Variants in GADL1 observed in about 807,000 individuals in gnomAD.
GADL1 encodes acidic amino acid decarboxylase GADL1.
In GADL1, 71 loss-of-function variants were observed where a neutral mutation model predicts 69.5. That is an observed-to-expected ratio of 1.02 (90% CI 0.84 to 1.25). The LOEUF (loss-of-function observed/expected upper bound fraction) is 1.25. Among genes scored for constraint, GADL1 ranks in the 50% most tolerant of loss-of-function variants. GADL1 has a pLI of 0.00. For missense variants in GADL1, 737 were observed against 631.8 expected, an observed-to-expected ratio of 1.17 and a Z score of -1.79; for synonymous variants, 254 against 214.4, an observed-to-expected ratio of 1.18 and a Z score of -1.62.
intron 6 of GADL1, among the ~76,000 whole-genome samples, chr3:30,847,177 G>C (rs1698073409): frequency 6.6e-6 from 1 of 152,122 alleles, no homozygotes; most frequent in East Asian, 1.9e-4. Context: ...CCTTCTCTTA[G>C]ATGCCTATTT....
At chr3:30,807,814 T>C (rs755470399) in intron 11 of GADL1, among the ~76,000 whole-genome samples, 6 of 152,032 alleles carry the variant, frequency 3.9e-5, no homozygotes, top group African/African-American at 1.4e-4. Flanking sequence ...GGCAGATCAC[T>C]GGAGGTCAGG....
At chr3:30,836,953 T>C (rs932479425) in intron 9 of GADL1, among the ~76,000 whole-genome samples, 1 of 152,098 alleles carries the variant, frequency 6.6e-6, no homozygotes, top group Admixed American at 6.6e-5. Flanking sequence ...TATTACCAAA[T>C]TGAAGACAGT....
At chr3:30,827,904 T>C (rs1336137399) in intron 11 of GADL1, among the ~76,000 whole-genome samples, 2 of 151,888 alleles carry the variant, frequency 1.3e-5, no homozygotes, top group African/African-American at 2.4e-5. Context: ...ACAAGTCAAA[T>C]GCTTCTCTTT....
intron 14 of GADL1, among the ~76,000 whole-genome samples, chr3:30,752,324 T>C (rs1039408592): frequency 4.3e-5 from 4 of 94,044 alleles, no homozygotes; most frequent in Non-Finnish European, 8.7e-5. Context: ...GGGGCCTATC[T>C]CTCTTGCTGA....
intron 14 of GADL1, among the ~76,000 whole-genome samples, chr3:30,758,110 G>A (rs1251265932): frequency 6.6e-6 from 1 of 152,150 alleles, no homozygotes; most frequent in Non-Finnish European, 1.5e-5. Context: ...ACAGCCAAGA[G>A]CAAAACCAAA....
At chr3:30,848,014 T>TAACCTGGGC (rs1698084592) in intron 6 of GADL1, among the ~76,000 whole-genome samples, 1 of 152,142 alleles carries the variant, frequency 6.6e-6, no homozygotes, top group Non-Finnish European at 1.5e-5. Flanking sequence ...CCTGAGCTGA[T>TAACCTGGGC]AACCTGGGCG....
intron 12 of GADL1, among the ~76,000 whole-genome samples, chr3:30,795,340 G>C (rs1697011036): frequency 6.6e-6 from 1 of 152,160 alleles, no homozygotes; most frequent in African/African-American, 2.4e-5. Context: ...ATTATAGCTG[G>C]AAGAGTTAAG....
intron 9 of GADL1, 78 bp from the exon 10 acceptor site, chr3:30,834,359 T>A: frequency 4.4e-6 from 5 of 1,132,006 alleles, no homozygotes; most frequent in South Asian, 1.3e-5. Flanking sequence ...TAGAAAACCC[T>A]CAGTGAGGAC....
intron 12 of GADL1, among the ~76,000 whole-genome samples, chr3:30,790,996 CACT>C (rs949443313): frequency 2.7e-5 from 4 of 150,350 alleles, no homozygotes; most frequent in African/African-American, 9.8e-5. Flanking sequence ...TCAATTTTTA[CACT>C]TTTTTTTTTT....
At chr3:30,844,325 C>CTT in intron 7 of GADL1, 61 bp from the exon 8 acceptor site, 2 of 1,553,996 alleles carry the variant, frequency 1.3e-6, no homozygotes, top group Non-Finnish European at 1.8e-6. Flanking sequence ...AATGATACTG[C>CTT]TTTATAAACC....
At chr3:30,858,509 G>T (rs1453700537) in intron 2 of GADL1, among the ~76,000 whole-genome samples, 4 of 151,964 alleles carry the variant, frequency 2.6e-5, no homozygotes. Context: ...TTAAAATGCA[G>T]AATCACTAGA....
At position 30,829,287 on chromosome 3, in the gene GADL1, G is replaced by A. The variant is rs377486584; in HGVS notation, c.1050+4566C>T. ...TAGTACAACTTTGAGAGCATCAGCT[G>A]TGCTTTGTTCCTGAAGCAGTCCTAT... On this transcript the variant is annotated intron_variant, in intron 11 of 14. Coordinates refer to ENST00000282538, the MANE Select transcript of GADL1 (RefSeq NM_207359.3). Among the ~76,000 whole-genome samples the A allele has an allele frequency of 5.3e-5, 8 of 151,910 alleles. No individual in the cohort carries two copies. In the East Asian group the frequency reaches 1.6e-3, roughly 30 times the overall value.
chr3:30,805,734 C>CTTTTTTTTTTTTTTTTTTTTTTT lies in GADL1; in HGVS notation c.1051-4669_1051-4647dup, dbSNP rs34788058. On this transcript the variant is annotated intron_variant, in intron 11 of 14. Coordinates refer to ENST00000282538, the MANE Select transcript of GADL1 (RefSeq NM_207359.3). The stretch of plus-strand genomic sequence containing the variant: ...ATTCTGTGCACCAGCAGTCCCCAGC[C>CTTTTTTTTTTTTTTTTTTTTTTT]TTTTTTTTTTTTTTTTTTTTTTTTG... 4.7e-4 allele frequency among the ~76,000 whole-genome samples: 31 copies of CTTTTTTTTTTTTTTTTTTTTTTT among 66,090 alleles called. 5 individuals carry two copies. Among genetic ancestry groups the CTTTTTTTTTTTTTTTTTTTTTTT allele is most frequent in the East Asian group, 3.6e-3 (5 of 1,404 alleles). The allele number at this position is 66,090 out of a possible 152,430, so 43.4% of individuals were successfully genotyped here. A position where few individuals can be genotyped will look rare whatever the true frequency, so the allele number is the denominator to read the frequency against.
intron 11 of GADL1, among the ~76,000 whole-genome samples, chr3:30,801,405 T>C (rs984932007): frequency 6.6e-6 from 1 of 152,106 alleles, no homozygotes; most frequent in African/African-American, 2.4e-5. Context: ...TGAATAAAAC[T>C]GTCTATAACT....
At chr3:30,765,795 G>A (rs1032894083) in intron 14 of GADL1, among the ~76,000 whole-genome samples, 56 of 152,054 alleles carry the variant, frequency 3.7e-4, no homozygotes. Context: ...TGTATCATAG[G>A]GGAATTGTAA....
chr3:30,880,606 A>C (rs1018377091), intron 1 of GADL1, among the ~76,000 whole-genome samples: 1 of 151,892 alleles, frequency 6.6e-6, no homozygotes, highest in Non-Finnish European at 1.5e-5. Context: ...TCTTTCTTTT[A>C]TAAGTAACCC....
chr3:30,816,181 T>C (rs1205555207), intron 11 of GADL1, among the ~76,000 whole-genome samples: 1 of 152,080 alleles, frequency 6.6e-6, no homozygotes, highest in East Asian at 1.9e-4. Flanking sequence ...CGATATGTAC[T>C]GAACAAATGC....
intron 4 of GADL1, among the ~76,000 whole-genome samples, chr3:30,851,433 G>A (rs1465940779): frequency 6.6e-6 from 1 of 152,152 alleles, no homozygotes; most frequent in African/African-American, 2.4e-5. Flanking sequence ...TACACTCTCT[G>A]TGTCTGTATA....
intron 11 of GADL1, among the ~76,000 whole-genome samples, chr3:30,826,681 T>C (rs147585789): frequency 4.0e-5 from 6 of 151,534 alleles, no homozygotes; most frequent in African/African-American, 1.5e-4. Context: ...GTGAATGTCA[T>C]TCTGTTCATT....
Sources: gnomAD v4.1 joint callset for allele counts (sites outside exome capture counted in the v4.1 genomes callset) on GRCh38, gnomAD v4.1.1 for gene constraint, MANE v1.5 for transcripts, NCBI Gene and HGNC (gene_info 2026-07-23, HGNC 2026-07-21) for gene names.